The following DCAF4 variants were observed in gnomAD, a reference collection of about 807,000 sequenced individuals.
DCAF4 encodes DDB1 and CUL4 associated factor 4.
A neutral mutation model predicts 60.9 loss-of-function variants in DCAF4; 37 were observed. That is an observed-to-expected ratio of 0.61 (90% CI 0.47 to 0.80). The LOEUF is 0.80. Ranked by LOEUF, DCAF4 falls within the 30% of genes least tolerant of loss-of-function variation. The pLI, the probability that DCAF4 is intolerant of heterozygous loss-of-function variation, is 0.00. For missense variants in DCAF4, 577 were observed against 650.0 expected (o/e 0.89, Z 1.22); for synonymous variants, 243 against 254.8 (o/e 0.95, Z 0.44).
chr14:72,950,856 T>G (rs1196509769), intron 8 of DCAF4, among the ~76,000 whole-genome samples: 1 of 152,140 alleles, frequency 6.6e-6, no homozygotes. Context: ...TTGACAAATA[T>G]ATGTAGTGGA....
intron 7 of DCAF4, among the ~76,000 whole-genome samples, chr14:72,946,541 C>CG (rs1311528000): frequency 1.3e-5 from 2 of 152,164 alleles, no homozygotes; most frequent in African/African-American, 4.8e-5. Flanking sequence ...TCCTCAGGAC[C>CG]GTCCCTCCAG....
At chr14:72,944,602 A>G (rs1890480384) in intron 6 of DCAF4, among the ~76,000 whole-genome samples, 1 of 151,746 alleles carries the variant, frequency 6.6e-6, no homozygotes, top group African/African-American at 2.4e-5. Flanking sequence ...AGACCAGCCT[A>G]GGCAACGTGG....
At chr14:72,938,169 G>T in intron 2 of DCAF4, 99 bp downstream of exon 2, 1 of 1,440,994 alleles carries the variant, frequency 6.9e-7, no homozygotes, top group East Asian at 2.4e-5. Context: ...TCACCTGGGG[G>T]CTCGTCCCAA....
chr14:72,950,084 G>A (rs1182624474), intron 8 of DCAF4, among the ~76,000 whole-genome samples: 1 of 152,206 alleles, frequency 6.6e-6, no homozygotes, highest in African/African-American at 2.4e-5. Flanking sequence ...TGGCTAGGGA[G>A]CAGGGCCTTT....
intron 9 of DCAF4, 78 bp from the exon 10 acceptor site, chr14:72,954,086 T>A: frequency 6.8e-7 from 1 of 1,463,012 alleles, no homozygotes; most frequent in East Asian, 2.3e-5. Context: ...TGGGCATATT[T>A]GGATGTTTTC....
intron 9 of DCAF4, among the ~76,000 whole-genome samples, chr14:72,952,797 C>T (rs1426000582): frequency 1.4e-5 from 2 of 147,220 alleles, no homozygotes; most frequent in Non-Finnish European, 3.0e-5. Context: ...CAGGTTCAAG[C>T]AATGCTCCTG....
intron 1 of DCAF4, among the ~76,000 whole-genome samples, chr14:72,933,561 A>C (rs1888863448): frequency 6.7e-6 from 1 of 149,474 alleles, no homozygotes; most frequent in African/African-American, 2.4e-5. Flanking sequence ...TCCATCTCAA[A>C]AAAAAAAAAA....
chr14:72,934,593 C>T lies in DCAF4; in HGVS notation c.-8-3378C>T, dbSNP rs1889016558. Among the ~76,000 whole-genome samples, 3 of 152,164 alleles carry T rather than the reference C, an allele frequency of 2.0e-5. No individual in the cohort carries two copies. The South Asian group carries it at 6.2e-4, about 32-fold the overall frequency. On this transcript the variant is annotated intron_variant, in intron 1 of 13. Transcript: ENST00000358377. ...GCGTGAACCACCACGCCGGGCTTGC[C>T]TGACATTTTCATTCTTCAGACTGCA...
chr14:72,953,763 A>ATATG (rs1327466108), intron 9 of DCAF4, among the ~76,000 whole-genome samples: 6 of 38,136 alleles, frequency 1.6e-4, no homozygotes, highest in African/African-American at 5.7e-4. Flanking sequence ...ATATATATAT[A>ATATG]GTTTATTTAT....
intron 6 of DCAF4, among the ~76,000 whole-genome samples, chr14:72,943,539 CT>C (rs1192502912): frequency 6.6e-6 from 1 of 152,186 alleles, no homozygotes; most frequent in Non-Finnish European, 1.5e-5. Flanking sequence ...CTTGCCGCCC[CT>C]GGCTTCAGTG....
At chr14:72,941,218 G>T (rs1890002733) in intron 4 of DCAF4, among the ~76,000 whole-genome samples, 1 of 152,062 alleles carries the variant, frequency 6.6e-6, no homozygotes, top group Admixed American at 6.6e-5. Flanking sequence ...CGCCCACCTT[G>T]GCCTCCCAAA....
At chr14:72,953,732 A>AAAAAAAATATATATAT (rs1555527852) in intron 9 of DCAF4, among the ~76,000 whole-genome samples, 1 of 21,766 alleles carries the variant, frequency 4.6e-5, no homozygotes, top group South Asian at 2.6e-3. Flanking sequence ...AAAAAAAAAA[A>AAAAAAAATATATATAT]ATATATATAT....
intron 5 of DCAF4, 67 bp downstream of exon 5, chr14:72,941,891 T>C: frequency 6.5e-7 from 1 of 1,542,642 alleles, no homozygotes; most frequent in East Asian, 2.2e-5. Context: ...ATTTTCATGG[T>C]ATAAGAATCC....
intron 8 of DCAF4, among the ~76,000 whole-genome samples, chr14:72,947,941 AACC>A (rs1210333166): frequency 1.3e-5 from 2 of 152,156 alleles, no homozygotes; most frequent in African/African-American, 2.4e-5. Flanking sequence ...ACTCACCCAA[AACC>A]ACATGTTAAT....
At chr14:72,949,874 G>A (rs144984896) in intron 8 of DCAF4, among the ~76,000 whole-genome samples, 3 of 152,258 alleles carry the variant, frequency 2.0e-5, no homozygotes, top group Non-Finnish European at 2.9e-5. Flanking sequence ...AACACCTATC[G>A]AGTATATGCA....
intron 1 of DCAF4, among the ~76,000 whole-genome samples, chr14:72,935,809 T>C (rs1313771835): frequency 6.6e-6 from 1 of 152,242 alleles, no homozygotes; most frequent in Admixed American, 6.5e-5. Context: ...GTTCGTGTGT[T>C]CTTTGCTGTA....
At chr14:72,937,410 CTTTT>C (rs11288108) in intron 1 of DCAF4, among the ~76,000 whole-genome samples, 2 of 105,752 alleles carry the variant, frequency 1.9e-5, no homozygotes, top group Admixed American at 1.2e-4. Flanking sequence ...TTTTTCTTTT[CTTTT>C]TTTTTTTTTT....
intron 3 of DCAF4, 112 bp downstream of exon 3, chr14:72,940,014 C>G (rs1889814409): frequency 8.1e-7 from 1 of 1,228,006 alleles, no homozygotes; most frequent in Non-Finnish European, 1.1e-6. Flanking sequence ...AGGGAAGGAG[C>G]TGGGTGCGTC....
Position 72,956,466 on chromosome 14 carries a change from G to A in DCAF4, c.1260G>A (p.Leu420=), listed in dbSNP as rs1324720160. Residue 420 remains leucine, a synonymous_variant, in exon 13 of 14, where the codon CTG becomes CTA. Transcript: ENST00000358377. ...GHVNEYAYLP[L]HVHEEEGILV... ...TGAATGAGTACGCCTACCTGCCCCT[G>A]CATGTGCACGAGGAAGAAGGAATCC... The A allele has an allele frequency of 6.2e-6, 10 of 1,613,216 alleles. No individual in the cohort carries two copies. The highest frequency in any genetic ancestry group is 1.6e-4 in the Middle Eastern group (1 of 6,078).
Sources: gnomAD v4.1 joint callset for allele counts (sites outside exome capture counted in the v4.1 genomes callset) on GRCh38, gnomAD v4.1.1 for gene constraint, MANE v1.5 for transcripts, NCBI Gene and HGNC (gene_info 2026-07-23, HGNC 2026-07-21) for gene names.